The following SEL1L3 variants were observed in gnomAD, a reference collection of about 807,000 sequenced individuals.
SEL1L3 encodes SEL1L family member 3, also known as protein sel-1 homolog 3.
A neutral mutation model predicts 142.8 loss-of-function variants in SEL1L3; 76 were observed. That is an observed-to-expected ratio of 0.53 (90% CI 0.44 to 0.64). SEL1L3 has a LOEUF of 0.64. Ranked by LOEUF, SEL1L3 falls within the 30% of genes least tolerant of loss-of-function variation. The probability of loss-of-function intolerance (pLI) is 0.00; values close to 1 mark genes in which losing one functional copy is unlikely to be tolerated. For missense variants in SEL1L3, 1,262 were observed against 1,381.7 expected (o/e 0.91, Z 1.37); for synonymous variants, 504 against 519.6 (o/e 0.97, Z 0.41).
Position 25,754,313 on chromosome 4 carries a change from A to G in SEL1L3, c.3259+3221T>C, listed in dbSNP as rs182021140. Among the ~76,000 whole-genome samples the G allele has an allele frequency of 1.1e-4, 16 of 150,300 alleles. No homozygotes were observed. The East Asian group carries it at 2.1e-3, about 20-fold the overall frequency. ...GCGAAAGTCAATCTCAAAAATATAT[A>G]AAATAAATAAATAAATAAATATAAA... On this transcript the variant is annotated intron_variant, in intron 23 of 23. Transcript: ENST00000399878.
intron 17 of SEL1L3, 48 bp from the exon 18 acceptor site, chr4:25,767,878 A>C (rs1163833711): frequency 8.6e-7 from 1 of 1,161,034 alleles, no homozygotes; most frequent in Non-Finnish European, 1.3e-6. Context: ...GCTCTTACTA[A>C]TATTCACAGA....
At chr4:25,853,547 AG>A (rs1032036994) in intron 1 of SEL1L3, among the ~76,000 whole-genome samples, 2 of 152,174 alleles carry the variant, frequency 1.3e-5, no homozygotes, top group African/African-American at 4.8e-5. Context: ...TATAAAAAAA[AG>A]GGCTGCAAAA....
chr4:25,857,564 C>T (rs894281190), intron 1 of SEL1L3, among the ~76,000 whole-genome samples: 4 of 152,196 alleles, frequency 2.6e-5, no homozygotes, highest in Admixed American at 6.5e-5. Context: ...TCACAACAAC[C>T]CACAGAGGGA....
intron 17 of SEL1L3, among the ~76,000 whole-genome samples, chr4:25,772,270 T>A (rs958520534): frequency 1.3e-5 from 2 of 152,220 alleles, no homozygotes; most frequent in African/African-American, 2.4e-5. Flanking sequence ...AAACGTTTCT[T>A]CCTGTTGATA....
At chr4:25,832,163 A>T (rs547035077) in intron 5 of SEL1L3, among the ~76,000 whole-genome samples, 4 of 152,254 alleles carry the variant, frequency 2.6e-5, no homozygotes, top group African/African-American at 9.6e-5. Flanking sequence ...GAAAGCAGCA[A>T]GGACTGACCT....
At chr4:25,858,576 T>TTTTGTTTG (rs372387427) in intron 1 of SEL1L3, among the ~76,000 whole-genome samples, 4 of 151,792 alleles carry the variant, frequency 2.6e-5, no homozygotes, top group Admixed American at 6.6e-5. Context: ...TTTTTGATTT[T>TTTTGTTTG]TTTGTTTGTT....
At chr4:25,760,533 C>T (rs562169662) in intron 20 of SEL1L3, among the ~76,000 whole-genome samples, 4 of 152,294 alleles carry the variant, frequency 2.6e-5, no homozygotes, top group African/African-American at 4.8e-5. Context: ...AGTGTTATTT[C>T]TCTTTGCAAC....
intron 16 of SEL1L3, among the ~76,000 whole-genome samples, chr4:25,778,714 G>T (rs562562255): frequency 1.3e-5 from 2 of 151,834 alleles, no homozygotes; most frequent in African/African-American, 2.4e-5. Flanking sequence ...ACAATGCCTC[G>T]GATGAAAATA....
intron 17 of SEL1L3, chr4:25,773,207 A>AT (rs1719358036): frequency 6.6e-6 from 1 of 152,166 alleles, no homozygotes; most frequent in South Asian, 2.1e-4. Flanking sequence ...GCCAAACTAA[A>AT]TCCATTTCTT....
At chr4:25,795,820 G>T (rs918572009) in intron 11 of SEL1L3, among the ~76,000 whole-genome samples, 1 of 152,180 alleles carries the variant, frequency 6.6e-6, no homozygotes, top group South Asian at 2.1e-4. Flanking sequence ...TTAACACAAA[G>T]ACTTCGGAGG....
intron 17 of SEL1L3, chr4:25,770,331 TA>T (rs1424416924): frequency 2.0e-5 from 3 of 152,184 alleles, no homozygotes; most frequent in Non-Finnish European, 4.4e-5. Context: ...AATCATTGTG[TA>T]AACCAGGAGG....
intron 11 of SEL1L3, among the ~76,000 whole-genome samples, chr4:25,800,539 T>C (rs1210597551): frequency 1.3e-5 from 2 of 152,238 alleles, no homozygotes; most frequent in Non-Finnish European, 2.9e-5. Context: ...TGCTAATTTA[T>C]GCTGAATTTG....
chr4:25,843,108 A>C (rs929877053), intron 2 of SEL1L3, among the ~76,000 whole-genome samples: 1 of 152,130 alleles, frequency 6.6e-6, no homozygotes, highest in African/African-American at 2.4e-5. Context: ...CTGTGGCTGG[A>C]AGCAGTGGGG....
chr4:25,763,327 T>C (rs1183914731), intron 20 of SEL1L3, among the ~76,000 whole-genome samples: 1 of 152,160 alleles, frequency 6.6e-6, no homozygotes, highest in East Asian at 1.9e-4. Context: ...CTGAGTGTAC[T>C]TGGCACTGGG....
chr4:25,859,136 G>A (rs1373442883), intron 1 of SEL1L3, among the ~76,000 whole-genome samples: 1 of 152,266 alleles, frequency 6.6e-6, no homozygotes, highest in African/African-American at 2.4e-5. Context: ...GTTGGAAGAA[G>A]GTAAGAGTTA....
At chr4:25,820,766 A>G (rs1714701966) in intron 7 of SEL1L3, among the ~76,000 whole-genome samples, 1 of 152,092 alleles carries the variant, frequency 6.6e-6, no homozygotes, top group Non-Finnish European at 1.5e-5. Context: ...TATTAAACAC[A>G]TTTCTTTCTT....
downstream of SEL1L3, among the ~76,000 whole-genome samples, chr4:25,746,694 G>A (rs1717281967): frequency 6.6e-6 from 1 of 151,668 alleles, no homozygotes; most frequent in East Asian, 1.9e-4. Context: ...AGACATGTCT[G>A]CTTCTCCTTC....
chr4:25,759,705 T>C (rs923236381), intron 20 of SEL1L3: 5 of 152,284 alleles, frequency 3.3e-5, no homozygotes, highest in Non-Finnish European at 7.3e-5. Flanking sequence ...ACGGATCCAA[T>C]AAAATAAACA....
chr4:25,756,877 C>A, intron 23 of SEL1L3: 1 of 1,283,860 alleles, frequency 7.8e-7, no homozygotes. Flanking sequence ...GGAGCTTTGG[C>A]GCTGTGTTTT....
Sources: allele counts gnomAD v4.1 joint callset (sites outside exome capture counted in the v4.1 genomes callset), GRCh38; gene constraint gnomAD v4.1.1; transcripts MANE v1.5; gene names NCBI Gene and HGNC (gene_info 2026-07-23, HGNC 2026-07-21).